The following DGCR2 variants were observed in gnomAD, a reference collection of about 807,000 sequenced individuals.
DGCR2 encodes DiGeorge syndrome critical region gene 2.
DGCR2 carries 24 observed loss-of-function variants against 51.6 expected under a neutral mutation model. The observed-to-expected ratio is 0.47, with a 90% CI of 0.34 to 0.65. The LOEUF (loss-of-function observed/expected upper bound fraction) is 0.65, where lower values mean the gene tolerates loss of function less well. Ranked by LOEUF, DGCR2 falls within the 30% of genes least tolerant of loss-of-function variation. The pLI is 0.01. For synonymous variants in DGCR2, 340 were observed against 315.4 expected, an observed-to-expected ratio of 1.08 and a Z score of -0.82; for missense variants, 765 against 772.1, an observed-to-expected ratio of 0.99 and a Z score of 0.11.
At chr22:19,081,204 T>C (rs1220159464) in intron 2 of DGCR2, among the ~76,000 whole-genome samples, 1 of 152,212 alleles carries the variant, frequency 6.6e-6, no homozygotes, top group Non-Finnish European at 1.5e-5. Flanking sequence ...AGCCTAATAA[T>C]ATAGTTGTGA....
intron 1 of DGCR2, among the ~76,000 whole-genome samples, chr22:19,119,693 G>A (rs768939301): frequency 5.5e-4 from 77 of 140,208 alleles, no homozygotes; most frequent in Non-Finnish European, 1.0e-3. Flanking sequence ...CCAAGATCAC[G>A]CTACTGCACT....
intron 2 of DGCR2, among the ~76,000 whole-genome samples, chr22:19,088,456 A>G (rs2083042069): frequency 6.6e-6 from 1 of 152,212 alleles, no homozygotes. Flanking sequence ...GGAAGCACAC[A>G]TCTACAAGAT....
At chr22:19,085,117 A>AC (rs998162877) in intron 2 of DGCR2, among the ~76,000 whole-genome samples, 2 of 151,890 alleles carry the variant, frequency 1.3e-5, no homozygotes. Flanking sequence ...AAAAAAAAAA[A>AC]AAACAAAGAT....
chr22:19,062,943 G>C (rs768095106), intron 5 of DGCR2, among the ~76,000 whole-genome samples: 14 of 152,044 alleles, frequency 9.2e-5, no homozygotes, highest in Admixed American at 6.6e-5. Context: ...ACTTCAAAAG[G>C]AGGCGGGGGA....
At chr22:19,103,454 G>C (rs1238644739) in intron 1 of DGCR2, among the ~76,000 whole-genome samples, 1 of 114,936 alleles carries the variant, frequency 8.7e-6, no homozygotes, top group African/African-American at 3.4e-5. Context: ...TTTTTGAGCC[G>C]GAGTCTCGCT....
At chr22:19,103,614 G>C (rs1466900946) in intron 1 of DGCR2, among the ~76,000 whole-genome samples, 1 of 149,590 alleles carries the variant, frequency 6.7e-6, no homozygotes, top group Non-Finnish European at 1.5e-5. Flanking sequence ...ATTTTTAGTG[G>C]AGACAGGGTT....
chr22:19,075,990 GCT>G (rs2082871457), intron 2 of DGCR2, among the ~76,000 whole-genome samples: 1 of 152,232 alleles, frequency 6.6e-6, no homozygotes, highest in African/African-American at 2.4e-5. Context: ...ACAGAGTCTT[GCT>G]CTGTCGCCCA....
chr22:19,050,448 T>G (rs945559255), intron 6 of DGCR2, among the ~76,000 whole-genome samples: 2 of 152,198 alleles, frequency 1.3e-5, no homozygotes. Context: ...ATCCACCTTA[T>G]AAGAAACACT....
intron 2 of DGCR2, among the ~76,000 whole-genome samples, chr22:19,082,567 T>C (rs1387223440): frequency 6.6e-6 from 1 of 151,692 alleles, no homozygotes; most frequent in African/African-American, 2.4e-5. Context: ...CCGGCCAACA[T>C]GGCAAAACCC....
chr22:19,055,798 C>G (rs2082594301), intron 6 of DGCR2: 1 of 152,738 alleles, frequency 6.5e-6, no homozygotes, highest in Non-Finnish European at 1.5e-5. Flanking sequence ...AGCTGCCGCC[C>G]CGGCCGCACA....
Position 19,057,675 on chromosome 22 carries a change from C to T in DGCR2, c.626-513G>A, listed in dbSNP as rs1348515890. ...CATTGGCACTGGCCGGCACTGCCAG[C>T]AGCTGGCTGCAGGGAACACTTAGGA... On this transcript the variant is annotated intron_variant, in intron 5 of 9. Transcript: ENST00000263196. The surrounding 1 kb of genome is among the most constrained non-coding windows in gnomAD (Gnocchi z 5.1). Among the ~76,000 whole-genome samples the T allele has an allele frequency of 6.6e-6, 1 of 152,238 alleles. No individual in the cohort carries two copies. The highest frequency in any genetic ancestry group is 6.5e-5 in the Admixed American group (1 of 15,282).
chr22:19,102,933 G>C (rs983588481), intron 1 of DGCR2, among the ~76,000 whole-genome samples: 5 of 152,112 alleles, frequency 3.3e-5, no homozygotes, highest in Non-Finnish European at 7.4e-5. Flanking sequence ...TTGAGCCCAG[G>C]AGGTCAGGGC....
chr22:19,074,689 T>G (rs2082854973), intron 2 of DGCR2, among the ~76,000 whole-genome samples: 1 of 152,180 alleles, frequency 6.6e-6, no homozygotes, highest in Non-Finnish European at 1.5e-5. Flanking sequence ...AAAAAAGACT[T>G]ACAGAATCAT....
rs2082380716 is a variant in DGCR2 at position 19,037,310 on chromosome 22, G to A, written c.*1555C>T. ...GGCACAAAGGTCAAGTCTGTCTGTGGGCAACTCAAGATTCTCATTCCACAT... is the reference window on the plus strand; with the variant it reads ...GGCACAAAGGTCAAGTCTGTCTGTGAGCAACTCAAGATTCTCATTCCACAT... On this transcript the variant is annotated 3_prime_UTR_variant, in exon 10 of 10. Coordinates refer to ENST00000263196, the MANE Select transcript of DGCR2 (RefSeq NM_005137.3). The A allele has an allele frequency of 6.6e-6, 1 of 152,268 alleles. No individual in the cohort carries two copies. Among genetic ancestry groups the A allele is most frequent in the Non-Finnish European group, 1.5e-5 (1 of 68,096 alleles). The allele number at this position is 152,268 out of a possible 1,614,324, so 9.4% of individuals were successfully genotyped here. A position where few individuals can be genotyped will look rare whatever the true frequency, so the allele number is the denominator to read the frequency against.
chr22:19,068,672 A>G (rs2082778664), intron 2 of DGCR2, among the ~76,000 whole-genome samples: 1 of 152,286 alleles, frequency 6.6e-6, no homozygotes, highest in South Asian at 2.1e-4. Context: ...CTTCCTCTGC[A>G]GCCCTTGTCC....
intron 2 of DGCR2, among the ~76,000 whole-genome samples, chr22:19,088,574 A>G (rs2083043488): frequency 6.6e-6 from 1 of 152,226 alleles, no homozygotes; most frequent in Non-Finnish European, 1.5e-5. Context: ...AGGAGTCTGC[A>G]TGTCTGGCCA....
At chr22:19,062,733 A>AGCAGCTCC (rs1424439762) in intron 5 of DGCR2, among the ~76,000 whole-genome samples, 1 of 149,422 alleles carries the variant, frequency 6.7e-6, no homozygotes, top group Non-Finnish European at 1.5e-5. Context: ...GGTATTTCCA[A>AGCAGCTCC]GCAGCTCCGC....
chr22:19,074,802 G>A (rs77608394), intron 2 of DGCR2, among the ~76,000 whole-genome samples: 2,502 of 152,120 alleles, frequency 0.016, 91 homozygotes, highest in East Asian at 0.062. Context: ...GGGATGCCCC[G>A]CCCCACCTTT....
At chr22:19,084,095 C>T (rs2082977267) in intron 2 of DGCR2, among the ~76,000 whole-genome samples, 1 of 152,162 alleles carries the variant, frequency 6.6e-6, no homozygotes, top group Non-Finnish European at 1.5e-5. Context: ...AGCCGCCTGC[C>T]TTGGCCTCCC....
Sources: gnomAD v4.1 joint callset for allele counts (sites outside exome capture counted in the v4.1 genomes callset) on GRCh38, gnomAD v4.1.1 for gene constraint, Gnocchi (gnomAD v3.1) non-coding constraint, MANE v1.5 for transcripts, NCBI Gene and HGNC (gene_info 2026-07-23, HGNC 2026-07-21) for gene names.